The following C10orf90 variants were observed in gnomAD, a reference collection of about 807,000 sequenced individuals.
C10orf90 encodes the protein chromosome 10 open reading frame 90.
In C10orf90, 56 loss-of-function variants were observed where a neutral mutation model predicts 62.5. That is an observed-to-expected ratio of 0.90 (90% CI 0.72 to 1.12). The LOEUF (loss-of-function observed/expected upper bound fraction) is 1.12, where lower values mean the gene tolerates loss of function less well. Among genes scored for constraint, C10orf90 ranks in the 50% most tolerant of loss-of-function variants. The pLI is 0.00. For synonymous variants in C10orf90, 386 were observed against 340.4 expected (o/e 1.13, Z -1.47); for missense variants, 970 against 880.4 (o/e 1.10, Z -1.29).
chr10:126,660,160 C>T (rs2133870062), intron 1 of C10orf90, among the ~76,000 whole-genome samples: 1 of 152,362 alleles, frequency 6.6e-6, no homozygotes, highest in Non-Finnish European at 1.5e-5. Context: ...ACACGCCCTA[C>T]ATGTTCCCCT....
chr10:126,572,652 C>G (rs920006454), intron 2 of C10orf90, among the ~76,000 whole-genome samples: 4 of 152,144 alleles, frequency 2.6e-5, no homozygotes, highest in Admixed American at 2.6e-4. Flanking sequence ...GCAACTTGTT[C>G]TATCAGCAAG....
At chr10:126,643,232 T>C (rs1289745253) in intron 2 of C10orf90, among the ~76,000 whole-genome samples, 3 of 152,250 alleles carry the variant, frequency 2.0e-5, no homozygotes, top group African/African-American at 4.8e-5. Flanking sequence ...ATCCCTGCTG[T>C]GTGAGCACAC....
chr10:126,521,764 T>G lies in C10orf90; in HGVS notation c.314-7825A>C, dbSNP rs1863755225. 1.3e-5 allele frequency among the ~76,000 whole-genome samples: 2 copies of G among 152,250 alleles called. 1 individual carries two copies. Among genetic ancestry groups the G allele is most frequent in the South Asian group, 4.1e-4 (2 of 4,834 alleles). On this transcript the variant is annotated intron_variant, in intron 2 of 9. Transcript: ENST00000488181. Reference sequence around the variant, plus strand: ...AATTGAGCAATATAACAGTTTACCATGCAAGCTCTTATAAGACTGATTGGT... The same window carrying G: ...AATTGAGCAATATAACAGTTTACCAGGCAAGCTCTTATAAGACTGATTGGT...
chr10:126,659,181 A>G (rs1272163086), intron 1 of C10orf90, among the ~76,000 whole-genome samples: 2 of 152,224 alleles, frequency 1.3e-5, no homozygotes, highest in East Asian at 3.8e-4. Flanking sequence ...CAGCTGACCC[A>G]GGACATCACC....
At chr10:126,441,813 A>G (rs1437116771) in intron 7 of C10orf90, among the ~76,000 whole-genome samples, 1 of 152,148 alleles carries the variant, frequency 6.6e-6, no homozygotes, top group East Asian at 1.9e-4. Flanking sequence ...AAGATACAGT[A>G]TTTTTCAGAT....
intron 1 of C10orf90, among the ~76,000 whole-genome samples, chr10:126,660,557 C>A (rs1252716912): frequency 6.6e-6 from 1 of 152,198 alleles, no homozygotes; most frequent in Non-Finnish European, 1.5e-5. Flanking sequence ...TGCCAAGAAC[C>A]AGTGATCTTG....
At chr10:126,512,390 GTGTGTGTGTGTGTCTGTGTGTC>G (rs1564847143) in intron 3 of C10orf90, among the ~76,000 whole-genome samples, 52 of 13,734 alleles carry the variant, frequency 3.8e-3, no homozygotes, top group African/African-American at 5.4e-3. Flanking sequence ...GTGTGTCTGT[GTGTGTGTGTGTGTCTGTGTGTC>G]TGTGTGTGTG....
intron 2 of C10orf90, among the ~76,000 whole-genome samples, chr10:126,529,515 C>A (rs533913679): frequency 6.6e-6 from 1 of 152,134 alleles, no homozygotes; most frequent in Admixed American, 6.5e-5. Flanking sequence ...TAAAACCCCC[C>A]GTAAATTAAT....
At chr10:126,577,110 ATATGT>A (rs1213661258) in intron 2 of C10orf90, among the ~76,000 whole-genome samples, 5 of 151,872 alleles carry the variant, frequency 3.3e-5, no homozygotes, top group Non-Finnish European at 7.4e-5. Context: ...GTTAACAGTA[ATATGT>A]TATATCATTT....
intron 2 of C10orf90, among the ~76,000 whole-genome samples, chr10:126,638,098 C>G (rs1845988541): frequency 6.6e-6 from 1 of 152,190 alleles, no homozygotes; most frequent in South Asian, 2.1e-4. Context: ...CATGGAACAG[C>G]ATTCCTGAGT....
chr10:126,666,810 C>G (rs533943093), intron 1 of C10orf90, among the ~76,000 whole-genome samples: 1 of 151,882 alleles, frequency 6.6e-6, no homozygotes, highest in African/African-American at 2.4e-5. Context: ...AACCCCATCT[C>G]TACTAAAAGT....
chr10:126,496,170 G>A (rs1254874131), intron 4 of C10orf90, among the ~76,000 whole-genome samples: 1 of 152,082 alleles, frequency 6.6e-6, no homozygotes, highest in East Asian at 1.9e-4. Context: ...TCTATTCCTG[G>A]CAAACCTGAG....
At chr10:126,597,383 A>G in intron 2 of C10orf90, among the ~76,000 whole-genome samples, 1 of 152,264 alleles carries the variant, frequency 6.6e-6, no homozygotes, top group East Asian at 1.9e-4. Flanking sequence ...GAGGCGAGAT[A>G]GCACATGGTG....
At chr10:126,633,165 G>A (rs1039366962) in intron 2 of C10orf90, among the ~76,000 whole-genome samples, 9 of 152,312 alleles carry the variant, frequency 5.9e-5, no homozygotes, top group Middle Eastern at 3.4e-3. Context: ...AGGGGGTGAT[G>A]TCCAGGTTCT....
chr10:126,631,958 T>TG (rs1353857718), intron 2 of C10orf90, among the ~76,000 whole-genome samples: 1 of 151,950 alleles, frequency 6.6e-6, no homozygotes, highest in African/African-American at 2.4e-5. Flanking sequence ...TCCTCACGTG[T>TG]GTAGCCGCAG....
At chr10:126,570,017 C>A (rs113324358) in intron 2 of C10orf90, among the ~76,000 whole-genome samples, 2 of 152,194 alleles carry the variant, frequency 1.3e-5, no homozygotes, top group African/African-American at 2.4e-5. Flanking sequence ...CCTTGTGAAC[C>A]AGAGGCAACA....
intron 2 of C10orf90, among the ~76,000 whole-genome samples, chr10:126,570,400 C>T (rs1844482987): frequency 6.6e-6 from 1 of 152,186 alleles, no homozygotes; most frequent in Non-Finnish European, 1.5e-5. Flanking sequence ...TTACATGAAC[C>T]CCAAGCAGTT....
intron 2 of C10orf90, among the ~76,000 whole-genome samples, chr10:126,525,650 A>G (rs1412487489): frequency 1.3e-5 from 2 of 152,180 alleles, no homozygotes; most frequent in Admixed American, 1.3e-4. Context: ...GAAACTGGAC[A>G]TGGTCCGAGA....
chr10:126,464,393 A>T (rs1332567640), intron 5 of C10orf90, among the ~76,000 whole-genome samples: 2 of 152,052 alleles, frequency 1.3e-5, no homozygotes, highest in Non-Finnish European at 2.9e-5. Context: ...TGCATCTCCA[A>T]CCTTCCTTAG....
Sources: gnomAD v4.1 joint callset for allele counts (sites outside exome capture counted in the v4.1 genomes callset) on GRCh38, gnomAD v4.1.1 for gene constraint, MANE v1.5 for transcripts, NCBI Gene and HGNC (gene_info 2026-07-23, HGNC 2026-07-21) for gene names.